The following DKK2 variants were observed in gnomAD, a reference collection of about 807,000 sequenced individuals.
DKK2 encodes dickkopf-related protein 2.
A neutral mutation model predicts 28.1 loss-of-function variants in DKK2; 11 were observed. That is an observed-to-expected ratio of 0.39 (90% CI 0.25 to 0.65). The LOEUF (loss-of-function observed/expected upper bound fraction) is 0.65, where lower values mean the gene tolerates loss of function less well. DKK2 is among the 30% of genes least tolerant of loss of function. DKK2 has a pLI of 0.47. For missense variants in DKK2, 326 were observed against 335.5 expected, an observed-to-expected ratio of 0.97 and a Z score of 0.22; for synonymous variants, 135 against 126.5, an observed-to-expected ratio of 1.07 and a Z score of -0.45.
At chr4:107,014,068 A>G (rs1176016842) in intron 1 of DKK2, among the ~76,000 whole-genome samples, 1 of 151,566 alleles carries the variant, frequency 6.6e-6, no homozygotes, top group African/African-American at 2.4e-5. Flanking sequence ...CATTATAACA[A>G]ACAGTATGGA....
intron 2 of DKK2, 128 bp from the exon 3 acceptor site, chr4:106,924,828 T>G (rs1281661844): frequency 1.1e-6 from 1 of 893,036 alleles, no homozygotes; most frequent in Non-Finnish European, 1.6e-6. Context: ...TATCCACCCA[T>G]CCATTCATTT....
intron 1 of DKK2, among the ~76,000 whole-genome samples, chr4:106,967,917 GGA>G (rs1722807449): frequency 1.3e-5 from 2 of 149,470 alleles, no homozygotes; most frequent in South Asian, 4.3e-4. Context: ...GTTAAGGGAT[GGA>G]GAGAGGGGTG....
intron 1 of DKK2, among the ~76,000 whole-genome samples, chr4:106,957,280 T>C (rs1476109936): frequency 1.3e-5 from 2 of 150,000 alleles, no homozygotes; most frequent in African/African-American, 2.4e-5. Context: ...TGTGGAGAAA[T>C]AGGAACACTT....
At chr4:106,945,996 C>A (rs1436384016) in intron 1 of DKK2, among the ~76,000 whole-genome samples, 1 of 152,110 alleles carries the variant, frequency 6.6e-6, no homozygotes, top group Admixed American at 6.6e-5. Flanking sequence ...TTACAAACTG[C>A]ACATATCTCC....
intron 1 of DKK2, among the ~76,000 whole-genome samples, chr4:106,937,119 T>C (rs1282827877): frequency 6.6e-6 from 1 of 151,200 alleles, no homozygotes; most frequent in East Asian, 1.9e-4. Flanking sequence ...CATAACAATA[T>C]TAACTTTAAA....
chr4:106,930,603 T>C (rs984599137), intron 1 of DKK2, among the ~76,000 whole-genome samples: 9 of 152,210 alleles, frequency 5.9e-5, no homozygotes, highest in Non-Finnish European at 7.3e-5. Flanking sequence ...AGTGTTCATG[T>C]GGGATGGCCA....
chr4:107,018,620 T>C (rs937053742), intron 1 of DKK2, among the ~76,000 whole-genome samples: 2 of 152,158 alleles, frequency 1.3e-5, no homozygotes, highest in African/African-American at 4.8e-5. Flanking sequence ...GTTAAACATG[T>C]GCACATTCCA....
chr4:107,031,066 A>G (rs1389940450), intron 1 of DKK2, among the ~76,000 whole-genome samples: 4 of 152,042 alleles, frequency 2.6e-5, no homozygotes, highest in Non-Finnish European at 4.4e-5. Flanking sequence ...TCATTAAAAT[A>G]CTTTTCTTGC....
At chr4:107,022,742 A>G (rs1560593921) in intron 1 of DKK2, among the ~76,000 whole-genome samples, 1 of 152,118 alleles carries the variant, frequency 6.6e-6, no homozygotes, top group East Asian at 1.9e-4. Context: ...AGAAATAACA[A>G]TGGACTGGAT....
At chr4:106,979,441 T>C (rs1423485271) in intron 1 of DKK2, among the ~76,000 whole-genome samples, 4 of 144,884 alleles carry the variant, frequency 2.8e-5, no homozygotes, top group Non-Finnish European at 6.1e-5. Context: ...TTAGTATCCT[T>C]CTTTTTTTTT....
chr4:106,969,768 G>A (rs935462368), intron 1 of DKK2, among the ~76,000 whole-genome samples: 2 of 152,094 alleles, frequency 1.3e-5, no homozygotes, highest in Non-Finnish European at 2.9e-5. Flanking sequence ...GCTGATGAAA[G>A]GAAGAAATGG....
chr4:106,980,268 T>A (rs12507885), intron 1 of DKK2, among the ~76,000 whole-genome samples: 25,614 of 151,936 alleles, frequency 0.17, 2,575 homozygotes, highest in East Asian at 0.42. Context: ...CACATCTATA[T>A]ACTTACATAT....
rs563661794 is a variant in DKK2, at chr4:106,997,534, AAGAGATTTATTTCTCAATTCCCTT to A, written c.222+37812_222+37835del. ...TCAACAAAACTCTATCCAGTCACCGAAGAGATTTATTTCTCAATTCCCTTAGAGTTCAACTCTTATTTTCCCATG... is the reference window on the plus strand; with the variant it reads ...TCAACAAAACTCTATCCAGTCACCGAAGAGTTCAACTCTTATTTTCCCATG... On this transcript the variant is annotated intron_variant, in intron 1 of 3. Transcript: ENST00000285311. Among the ~76,000 whole-genome samples, 246 of 152,028 alleles carry A rather than the reference AAGAGATTTATTTCTCAATTCCCTT, an allele frequency of 1.6e-3. 3 individuals are homozygous for A. Among genetic ancestry groups the A allele is most frequent in the African/African-American group, 5.9e-3 (242 of 41,366 alleles).
chr4:107,030,575 G>T (rs1723861788), intron 1 of DKK2, among the ~76,000 whole-genome samples: 1 of 151,954 alleles, frequency 6.6e-6, no homozygotes, highest in Non-Finnish European at 1.5e-5. Flanking sequence ...TTATAAGTGA[G>T]CACAAGTGAC....
At chr4:106,930,787 G>T (rs1724491634) in intron 1 of DKK2, among the ~76,000 whole-genome samples, 1 of 152,128 alleles carries the variant, frequency 6.6e-6, no homozygotes, top group African/African-American at 2.4e-5. Context: ...CTGTGGGAAT[G>T]AAAAACATTT....
At chr4:106,950,488 A>C (rs1222996152) in intron 1 of DKK2, among the ~76,000 whole-genome samples, 1 of 151,030 alleles carries the variant, frequency 6.6e-6, no homozygotes, top group African/African-American at 2.4e-5. Flanking sequence ...ATGTCAGTTC[A>C]CTTGCTGAAA....
intron 3 of DKK2, 161 bp from the exon 4 acceptor site, chr4:106,924,365 T>TATCAC (rs1007899958): frequency 8.0e-7 from 1 of 1,247,996 alleles, no homozygotes; most frequent in African/African-American, 1.5e-5. Flanking sequence ...CTCTGCCTCT[T>TATCAC]ATCACATAAA....
intron 1 of DKK2, among the ~76,000 whole-genome samples, chr4:106,957,898 T>C (rs1051270086): frequency 4.0e-5 from 6 of 150,508 alleles, no homozygotes; most frequent in African/African-American, 1.5e-4. Context: ...AAACTTAAAG[T>C]ATAATAATAA....
At chr4:106,944,575 C>T (rs1578351877) in intron 1 of DKK2, among the ~76,000 whole-genome samples, 1 of 152,032 alleles carries the variant, frequency 6.6e-6, no homozygotes, top group Non-Finnish European at 1.5e-5. Context: ...GCTTGGTTCA[C>T]ATGTGATATT....
Sources: allele counts gnomAD v4.1 joint callset (sites outside exome capture counted in the v4.1 genomes callset), GRCh38; gene constraint gnomAD v4.1.1; transcripts MANE v1.5; gene names NCBI Gene and HGNC (gene_info 2026-07-23, HGNC 2026-07-21).